Variants in TF observed in about 807,000 individuals in gnomAD.
The protein encoded by TF is transferrin, also known as serotransferrin.
In TF, 55 loss-of-function variants were observed where a neutral mutation model predicts 82.4. The ratio of observed to expected loss-of-function variants is 0.67; its 90% CI spans 0.54 to 0.84. The LOEUF is 0.84. Among genes scored for constraint, TF ranks in the 40% least tolerant of loss-of-function variants. The pLI is 0.00. For synonymous variants in TF, 332 were observed against 332.6 expected, an observed-to-expected ratio of 1.00 and a Z score of 0.02; for missense variants, 737 against 868.4, an observed-to-expected ratio of 0.85 and a Z score of 1.90.
chr3:133,734,204 T>C, the TF span, among the ~76,000 whole-genome samples: 7 of 152,182 alleles, frequency 4.6e-5, no homozygotes, highest in Admixed American at 4.6e-4. Context: ...TAGCTCTGTC[T>C]GGAGAGCCTA....
At chr3:133,724,102 G>A in the TF span, among the ~76,000 whole-genome samples, 4 of 152,136 alleles carry the variant, frequency 2.6e-5, no homozygotes, top group African/African-American at 9.7e-5. Flanking sequence ...TGTAAATAGT[G>A]CCGCAATAAA....
chr3:133,756,708 T>C, intron 6 of TF, 123 bp from the exon 7 acceptor site: 2 of 1,234,026 alleles, frequency 1.6e-6, no homozygotes, highest in Admixed American at 1.7e-5. Flanking sequence ...GCATGTTCTC[T>C]GGCCTTCAGT....
Position 133,766,431 on chromosome 3 carries a change from T to G in TF, c.1484T>G (p.Phe495Cys), listed in dbSNP as rs760061576. 1 of 1,614,050 alleles carries G rather than the reference T, an allele frequency of 6.2e-7. No homozygotes were observed. Among genetic ancestry groups the G allele is most frequent in the South Asian group, 1.1e-5 (1 of 91,076 alleles). ...TACAATAAGATCAACCACTGCAGAT[T>G]TGGTGAGTGAATATTGGGAAGGAGG... ...LLYNKINHCR[F>C]DEFFSEGCAP... The change falls in exon 12 of 17, where the codon TTT (phenylalanine) becomes TGT (cysteine). Residue 495 changes from phenylalanine to cysteine, a missense_variant and splice_region_variant. Physicochemically the swap from Phe to Cys is radical, Grantham distance 205. Coordinates refer to ENST00000402696, the MANE Select transcript of TF (RefSeq NM_001063.4).
chr3:133,778,533 G>C, intron 16 of TF, 53 bp from the exon 17 acceptor site: 1 of 1,596,568 alleles, frequency 6.3e-7, no homozygotes, highest in Non-Finnish European at 8.6e-7. Flanking sequence ...CGACAGTTCA[G>C]AAATAAATAT....
the TF span, among the ~76,000 whole-genome samples, chr3:133,685,034 G>T: frequency 1.3e-5 from 2 of 152,220 alleles, 1 homozygote; most frequent in Non-Finnish European, 2.9e-5. Flanking sequence ...TCCCTGGGAT[G>T]CAAGGCTGGT....
rs986478037 is a variant in TF, at chr3:133,781,512, A to G, written c.*2892A>G. The G allele has an allele frequency of 3.3e-5, 5 of 152,162 alleles. No homozygotes were observed. Among genetic ancestry groups the G allele is most frequent in the African/African-American group, 4.8e-5 (2 of 41,466 alleles). 9.4% of individuals were successfully genotyped at this position (152,162 alleles called of 1,614,324 possible). Reference sequence around the variant, plus strand: ...TTAATAAAAGCTACATTTAAACCACACTTATCAAAGTAAAAAATAATGTAA... The same window carrying G: ...TTAATAAAAGCTACATTTAAACCACGCTTATCAAAGTAAAAAATAATGTAA... On this transcript the variant is annotated 3_prime_UTR_variant, in exon 17 of 17. Transcript: ENST00000402696.
At chr3:133,766,141 C>A in intron 11 of TF, 137 bp from the exon 12 acceptor site, 1 of 864,714 alleles carries the variant, frequency 1.2e-6, no homozygotes, top group Non-Finnish European at 2.0e-6. Context: ...TCCCCTCAGT[C>A]AGATACTGGG....
At chr3:133,726,368 T>A in the TF span, among the ~76,000 whole-genome samples, 1 of 152,206 alleles carries the variant, frequency 6.6e-6, no homozygotes, top group Non-Finnish European at 1.5e-5. Flanking sequence ...ATTCAACTTC[T>A]TCCTGGTTTA....
the TF span, among the ~76,000 whole-genome samples, chr3:133,675,619 C>CTA: frequency 6.6e-6 from 1 of 152,176 alleles, no homozygotes. Context: ...TAGTGAGGGA[C>CTA]TATAACAGGT....
the TF span, among the ~76,000 whole-genome samples, chr3:133,663,145 A>G: frequency 6.6e-6 from 1 of 151,594 alleles, no homozygotes; most frequent in East Asian, 1.9e-4. Flanking sequence ...AAACCCCTTT[A>G]CTCCTGAAGT....
the TF span, among the ~76,000 whole-genome samples, chr3:133,713,483 A>C: frequency 6.6e-6 from 1 of 152,198 alleles, no homozygotes; most frequent in Admixed American, 6.5e-5. Flanking sequence ...GCGGTGAGAA[A>C]GGAGTGATGT....
At chr3:133,707,435 C>A in the TF span, 1 of 152,302 alleles carries the variant, frequency 6.6e-6, no homozygotes, top group Non-Finnish European at 1.5e-5. Flanking sequence ...CCTCCCTAAC[C>A]TGCTCTTCCC....
intron 14 of TF, 147 bp downstream of exon 14, chr3:133,770,719 A>G: frequency 1.0e-6 from 1 of 985,700 alleles, no homozygotes; most frequent in Non-Finnish European, 1.6e-6. Context: ...CAGTGAAGAG[A>G]GACATGTTCA....
chr3:133,735,949 C>G, the TF span, among the ~76,000 whole-genome samples: 1 of 152,156 alleles, frequency 6.6e-6, no homozygotes, highest in Non-Finnish European at 1.5e-5. Flanking sequence ...TCAGGAAATA[C>G]AGAGAACATC....
the TF span, among the ~76,000 whole-genome samples, chr3:133,687,378 C>T: frequency 4.6e-5 from 7 of 152,090 alleles, no homozygotes; most frequent in African/African-American, 1.7e-4. Flanking sequence ...AATCACTAGG[C>T]CCTACCTACG....
chr3:133,795,760 T>C lies in TF; in HGVS notation c.*17140T>C, dbSNP rs1934952672. 6.6e-6 allele frequency: 1 copy of C among 152,158 alleles called. No homozygotes were observed. The highest frequency in any genetic ancestry group is 2.1e-4 in the South Asian group (1 of 4,788). The allele number at this position is 152,158 out of a possible 1,614,324, so 9.4% of individuals were successfully genotyped here. On this transcript the variant is annotated 3_prime_UTR_variant, in exon 17 of 17. Transcript: ENST00000402696. The stretch of plus-strand genomic sequence containing the variant: ...CCGGCTAATTTTTTTGTATTTTTAG[T>C]GGAGACGGGGTTTCACCATGTTAGC...
At chr3:133,709,985 G>A in the TF span, 5 of 152,256 alleles carry the variant, frequency 3.3e-5, no homozygotes, top group African/African-American at 9.7e-5. Flanking sequence ...TGGTGAGCGC[G>A]AGTGTGTTGT....
At chr3:133,721,570 GGAATGTTCTGTAAATATCT>G in the TF span, among the ~76,000 whole-genome samples, 1 of 152,146 alleles carries the variant, frequency 6.6e-6, no homozygotes, top group Non-Finnish European at 1.5e-5. Flanking sequence ...GCTGTTGGAT[GGAATGTTCTGTAAATATCT>G]TTTAGGCCAA....
chr3:133,686,553 C>T, the TF span, among the ~76,000 whole-genome samples: 5 of 152,178 alleles, frequency 3.3e-5, no homozygotes, highest in East Asian at 1.9e-4. Context: ...TGAACAGACA[C>T]GTCTCAAAAG....
Sources: gnomAD v4.1 joint callset for allele counts (sites outside exome capture counted in the v4.1 genomes callset) on GRCh38, gnomAD v4.1.1 for gene constraint, MANE v1.5 for transcripts, NCBI Gene and HGNC (gene_info 2026-07-23, HGNC 2026-07-21) for gene names.